The following DNAH7 variants were observed in gnomAD, a reference collection of about 807,000 sequenced individuals.
DNAH7 encodes the protein axonemal beta dynein heavy chain 7.
In DNAH7, 397 loss-of-function variants were observed where a neutral mutation model predicts 444.6. That is an observed-to-expected ratio of 0.89 (90% CI 0.82 to 0.97). DNAH7 has a LOEUF of 0.97. Among genes scored for constraint, DNAH7 ranks in the 50% least tolerant of loss-of-function variants. The pLI, the probability that DNAH7 is intolerant of heterozygous loss-of-function variation, is 0.00. For missense variants in DNAH7, 4,902 were observed against 4,800.8 expected, an observed-to-expected ratio of 1.02 and a Z score of -0.62; for synonymous variants, 1,636 against 1,624.4, an observed-to-expected ratio of 1.01 and a Z score of -0.17.
intron 38 of DNAH7, among the ~76,000 whole-genome samples, chr2:195,874,610 A>C (rs1028754291): frequency 2.6e-5 from 4 of 151,748 alleles, no homozygotes; most frequent in Non-Finnish European, 5.9e-5. Context: ...TAAAAAAAAA[A>C]AAAACAGCCT....
At chr2:195,842,578 C>T (rs1343869708) in intron 47 of DNAH7, among the ~76,000 whole-genome samples, 2 of 152,040 alleles carry the variant, frequency 1.3e-5, no homozygotes, top group African/African-American at 2.4e-5. Flanking sequence ...GAAAAGAAGC[C>T]AAGAATGAAA....
chr2:195,990,923 A>G (rs1281011982), intron 12 of DNAH7, among the ~76,000 whole-genome samples: 2 of 145,592 alleles, frequency 1.4e-5, no homozygotes, highest in Non-Finnish European at 1.5e-5. Context: ...ATATATATAC[A>G]TATATATACT....
At chr2:195,775,689 A>C (rs1372436006) in intron 60 of DNAH7, among the ~76,000 whole-genome samples, 157 bp downstream of exon 60, 4 of 151,822 alleles carry the variant, frequency 2.6e-5, no homozygotes, top group African/African-American at 9.7e-5. Flanking sequence ...TTAGTGTTCA[A>C]ATCCTTATTT....
intron 54 of DNAH7, among the ~76,000 whole-genome samples, chr2:195,806,282 A>G (rs527289149): frequency 6.6e-6 from 1 of 152,290 alleles, no homozygotes; most frequent in East Asian, 1.9e-4. Context: ...AAGTAACAAT[A>G]TTGACATTTT....
intron 5 of DNAH7, among the ~76,000 whole-genome samples, chr2:196,047,083 CT>C (rs1697179286): frequency 6.6e-6 from 1 of 152,168 alleles, no homozygotes; most frequent in Non-Finnish European, 1.5e-5. Flanking sequence ...GAATCCTCCA[CT>C]GGCTACCATG....
intron 12 of DNAH7, among the ~76,000 whole-genome samples, chr2:195,992,864 T>C (rs1032024559): frequency 7.2e-5 from 11 of 152,234 alleles, no homozygotes; most frequent in Non-Finnish European, 1.3e-4. Context: ...TTCTGCTCCA[T>C]GTTCTACATC....
intron 58 of DNAH7, among the ~76,000 whole-genome samples, chr2:195,779,995 G>GTTT (rs1381144473): frequency 1.3e-5 from 2 of 151,964 alleles, no homozygotes; most frequent in African/African-American, 4.8e-5. Context: ...TTTCTACTTA[G>GTTT]TTTTAAAAAG....
chr2:195,950,457 C>A (rs774736996), intron 19 of DNAH7, among the ~76,000 whole-genome samples: 1 of 151,874 alleles, frequency 6.6e-6, no homozygotes, highest in Non-Finnish European at 1.5e-5. Flanking sequence ...TGGTGATATC[C>A]CCTTTATCAT....
intron 51 of DNAH7, among the ~76,000 whole-genome samples, chr2:195,814,779 T>TGC (rs1697145327): frequency 6.6e-6 from 1 of 152,044 alleles, no homozygotes; most frequent in African/African-American, 2.4e-5. Context: ...TCACTCCCAC[T>TGC]GCCCAGGCTG....
chr2:195,746,795 C>A (rs1693440795), intron 63 of DNAH7, among the ~76,000 whole-genome samples: 1 of 152,052 alleles, frequency 6.6e-6, no homozygotes, highest in African/African-American at 2.4e-5. Flanking sequence ...TCTTTGAAAC[C>A]AACAAGAACA....
chr2:195,978,890 T>C (rs576234485), intron 15 of DNAH7, among the ~76,000 whole-genome samples: 1 of 152,262 alleles, frequency 6.6e-6, no homozygotes, highest in Admixed American at 6.5e-5. Context: ...TGAAGATATA[T>C]AGGCACCCAA....
At chr2:195,846,555 G>A (rs114324000) in intron 46 of DNAH7, among the ~76,000 whole-genome samples, 105 of 152,306 alleles carry the variant, frequency 6.9e-4, no homozygotes, top group African/African-American at 2.3e-3. Flanking sequence ...CATGCATACT[G>A]TGATGGTTAA....
intron 18 of DNAH7, among the ~76,000 whole-genome samples, chr2:195,959,974 CTG>C (rs1166112300): frequency 6.6e-6 from 1 of 152,134 alleles, no homozygotes; most frequent in East Asian, 1.9e-4. Context: ...TGATTGTCCA[CTG>C]TCTTTGTTAT....
intron 41 of DNAH7, among the ~76,000 whole-genome samples, chr2:195,862,818 C>T (rs551616145): frequency 2.2e-4 from 34 of 152,182 alleles, no homozygotes; most frequent in African/African-American, 7.7e-4. Flanking sequence ...GGCAGATCAC[C>T]TGAGGTCAGG....
At position 195,960,879 on chromosome 2, in the gene DNAH7, T is replaced by A. The variant is rs1691047447; in HGVS notation, c.2272A>T (p.Lys758Ter). The part of the protein sequence containing the change: ...WLPSVYPQRK[K>*]IQDGLNPYLR... ...TAAGGGTTCAAGCCATCTTGGATTT[T>A]TTTACGTTGAGGATATACAGATGGT... is the stretch of plus-strand genomic sequence containing the variant. The change falls in exon 18 of 65, where the codon AAA (lysine) becomes TAA (stop). Residue 758 changes from lysine (K) to a stop codon, truncating the protein, a stop_gained. Transcript: ENST00000312428. LOFTEE classifies it high-confidence loss of function. The A allele has an allele frequency of 6.2e-7, 1 of 1,613,786 alleles. No individual in the cohort carries two copies. Among genetic ancestry groups the A allele is most frequent in the Non-Finnish European group, 8.5e-7 (1 of 1,179,960 alleles).
At chr2:195,898,959 C>A (rs1291341085) in intron 28 of DNAH7, among the ~76,000 whole-genome samples, 10 of 152,192 alleles carry the variant, frequency 6.6e-5, no homozygotes, top group Non-Finnish European at 1.5e-4. Context: ...GCTTCTCCTA[C>A]CACCATGCAT....
At chr2:195,800,866 T>C (rs1696413214) in intron 54 of DNAH7, among the ~76,000 whole-genome samples, 1 of 152,202 alleles carries the variant, frequency 6.6e-6, no homozygotes, top group African/African-American at 2.4e-5. Flanking sequence ...GAAAATAATG[T>C]GGGAGAGAAA....
intron 2 of DNAH7, among the ~76,000 whole-genome samples, chr2:196,052,980 G>C (rs937465424): frequency 7.2e-5 from 11 of 152,214 alleles, no homozygotes; most frequent in Non-Finnish European, 1.5e-5. Flanking sequence ...AAGATACCTA[G>C]TCCATAGTCG....
rs1041406070 is a variant in DNAH7, at chr2:195,983,394, T to C, written c.1833+1238A>G. The stretch of plus-strand genomic sequence containing the variant: ...AAGAAGCATGGTGCCAGCATCTGCT[T>C]CTGGTCAGGGCCTCAGGAAGCTTTT... On this transcript the variant is annotated intron_variant, in intron 15 of 64. Coordinates refer to ENST00000312428, the MANE Select transcript of DNAH7 (RefSeq NM_018897.3). Among the ~76,000 whole-genome samples the C allele has an allele frequency of 3.3e-5, 5 of 152,134 alleles. No homozygotes were observed. The East Asian group carries it at 7.7e-4, about 23-fold the overall frequency.
Sources: allele counts gnomAD v4.1 joint callset (sites outside exome capture counted in the v4.1 genomes callset), GRCh38; gene constraint gnomAD v4.1.1; transcripts MANE v1.5; gene names NCBI Gene and HGNC (gene_info 2026-07-23, HGNC 2026-07-21).